The following TMEM39A variants were observed in gnomAD, a reference collection of about 807,000 sequenced individuals.
TMEM39A encodes suppressor of SQST-1 aggregates in rpl-43 mutants.
In TMEM39A, 19 loss-of-function variants were observed where a neutral mutation model predicts 51.9. The observed-to-expected ratio is 0.37, with a 90% CI of 0.26 to 0.54. TMEM39A has a LOEUF of 0.54. TMEM39A is among the 20% of genes least tolerant of loss of function. The pLI is 0.88. For synonymous variants in TMEM39A, 197 were observed against 220.2 expected (o/e 0.89, Z 0.93); for missense variants, 433 against 590.5 (o/e 0.73, Z 2.76).
At chr3:119,450,125 T>G (rs1397574868) in intron 4 of TMEM39A, among the ~76,000 whole-genome samples, 1 of 152,258 alleles carries the variant, frequency 6.6e-6, no homozygotes, top group Non-Finnish European at 1.5e-5. Flanking sequence ...TTTTAAATTT[T>G]TGAATAGGTA....
chr3:119,438,712 G>C (rs975117194), intron 5 of TMEM39A, among the ~76,000 whole-genome samples: 4 of 151,958 alleles, frequency 2.6e-5, no homozygotes, highest in African/African-American at 9.7e-5. Context: ...TTCCCAATAC[G>C]TGTGTACGTT....
intron 8 of TMEM39A, among the ~76,000 whole-genome samples, chr3:119,432,447 G>A (rs368038539): frequency 6.6e-6 from 1 of 151,820 alleles, no homozygotes; most frequent in Admixed American, 6.6e-5. Flanking sequence ...CCTGAGACAC[G>A]AAAAGAGATT....
intron 5 of TMEM39A, among the ~76,000 whole-genome samples, chr3:119,445,090 A>C (rs896277206): frequency 6.6e-6 from 1 of 151,868 alleles, no homozygotes; most frequent in African/African-American, 2.4e-5. Context: ...AAAAAAAAAA[A>C]GCAACCGTCT....
intron 5 of TMEM39A, among the ~76,000 whole-genome samples, chr3:119,441,190 G>A (rs2081048830): frequency 6.6e-6 from 1 of 152,150 alleles, no homozygotes; most frequent in Non-Finnish European, 1.5e-5. Flanking sequence ...AATGGCCTCC[G>A]AGTGTTCAAG....
chr3:119,429,111 C>T lies in TMEM39A; in HGVS notation c.*2870G>A, dbSNP rs16829840. ...TCTTCTATTAGTTAATGAACTCGAA[C>T]ATCACTATCTCCGGCACCCAGCAGT... is the stretch of plus-strand genomic sequence containing the variant. On this transcript the variant is annotated 3_prime_UTR_variant, in exon 9 of 9. Coordinates refer to ENST00000319172, the MANE Select transcript of TMEM39A (RefSeq NM_018266.3). Among the ~76,000 whole-genome samples, 18,113 of 151,982 alleles carry T rather than the reference C, an allele frequency of 0.12. 2,697 individuals are homozygous for T. Among genetic ancestry groups the T allele is most frequent in the African/African-American group, 0.35 (14,669 of 41,396 alleles).
intron 2 of TMEM39A, among the ~76,000 whole-genome samples, chr3:119,458,953 T>C (rs2081301832): frequency 6.6e-6 from 1 of 152,136 alleles, no homozygotes; most frequent in Admixed American, 6.6e-5. Context: ...TCAGAACCCA[T>C]ATAAATTCTC....
chr3:119,435,117 G>A, intron 7 of TMEM39A: 2 of 985,290 alleles, frequency 2.0e-6, no homozygotes, highest in Non-Finnish European at 2.4e-6. Flanking sequence ...TTAACTCAGT[G>A]TCAAAGGACT....
At chr3:119,444,593 A>G (rs2081098148) in intron 5 of TMEM39A, among the ~76,000 whole-genome samples, 1 of 152,198 alleles carries the variant, frequency 6.6e-6, no homozygotes, top group Non-Finnish European at 1.5e-5. Context: ...ATACTTTGTA[A>G]TTACCCACAT....
chr3:119,452,547 T>C lies in TMEM39A; in HGVS notation c.337-17A>G. ...ATGAAAATTCTACAACAGAAATAAA[T>C]AACTACATCAGAAAGAAATATGATG... On this transcript the variant is annotated splice_polypyrimidine_tract_variant and intron_variant, in intron 3 of 8. Coordinates refer to ENST00000319172, the MANE Select transcript of TMEM39A (RefSeq NM_018266.3). The C allele has an allele frequency of 1.3e-6, 2 of 1,597,974 alleles. No individual in the cohort carries two copies. The highest frequency in any genetic ancestry group is 1.7e-6 in the Non-Finnish European group (2 of 1,166,598).
intron 4 of TMEM39A, among the ~76,000 whole-genome samples, chr3:119,451,827 T>C: frequency 3.2e-5 from 1 of 31,428 alleles, no homozygotes; most frequent in African/African-American, 2.5e-4. Flanking sequence ...TGAAACTCCG[T>C]CTCAAAAAAA....
At chr3:119,448,951 GCTGA>G (rs1165768139) in intron 4 of TMEM39A, among the ~76,000 whole-genome samples, 8 of 152,144 alleles carry the variant, frequency 5.3e-5, no homozygotes, top group African/African-American at 1.2e-4. Context: ...TGCTTATGAA[GCTGA>G]CTAACCAAGA....
At position 119,458,215 on chromosome 3, in the gene TMEM39A, C is replaced by T. The variant is rs1044862582; in HGVS notation, c.139G>A (p.Val47Ile). 1.9e-6 allele frequency: 3 copies of T among 1,613,960 alleles called. No homozygotes were observed. Among genetic ancestry groups the T allele is most frequent in the African/African-American group, 1.3e-5 (1 of 74,940 alleles). Residue 47 changes from valine to isoleucine, a missense_variant, in exon 3 of 9, where the codon GTC becomes ATC. Physicochemically the swap from Val to Ile is conservative, Grantham distance 29. Transcript: ENST00000319172. ...NRNGSAIGLP[V>I]PPITALITPG... ...GTGATTAAGGCTGTGATAGGTGGGA[C>T]TGGAAGGCCAATAGCACTACCATTC... is the stretch of plus-strand genomic sequence containing the variant.
intron 4 of TMEM39A, among the ~76,000 whole-genome samples, chr3:119,449,795 T>C (rs760106639): frequency 6.6e-6 from 1 of 152,202 alleles, no homozygotes; most frequent in Non-Finnish European, 1.5e-5. Flanking sequence ...AACAGCTAAA[T>C]TTATTTCTAG....
chr3:119,458,728 C>T (rs1366348417), intron 2 of TMEM39A, among the ~76,000 whole-genome samples: 4 of 152,022 alleles, frequency 2.6e-5, no homozygotes, highest in Non-Finnish European at 4.4e-5. Flanking sequence ...AATCTCATCC[C>T]TACTAAAAAT....
Position 119,461,978 on chromosome 3 carries a change from T to G in TMEM39A, c.97A>C (p.Thr33Pro). 6.2e-7 allele frequency: 1 copy of G among 1,614,112 alleles called. No homozygotes were observed. The highest frequency in any genetic ancestry group is 8.5e-7 in the Non-Finnish European group (1 of 1,179,970). The change falls in exon 2 of 9, where the codon ACA (threonine) becomes CCA (proline). Residue 33 changes from threonine to proline, a missense_variant. Thr to Pro is a conservative substitution (Grantham distance 38). Coordinates refer to ENST00000319172, the MANE Select transcript of TMEM39A (RefSeq NM_018266.3). ...TTTCTTTACCTGTTTCTCAAGCCTG[T>G]TCCATTGCCACAGCCTCCACCAACC... Reference protein sequence around the residue: ...TLVGGGCGNGTGLRNRNGSAI... With the variant: ...TLVGGGCGNGPGLRNRNGSAI...
intron 2 of TMEM39A, among the ~76,000 whole-genome samples, chr3:119,460,745 T>A (rs2081326314): frequency 6.6e-6 from 1 of 152,130 alleles, no homozygotes; most frequent in Admixed American, 6.5e-5. Context: ...GGAGGCAAAG[T>A]TAGAATTTTT....
At chr3:119,457,115 C>T (rs769918936) in intron 3 of TMEM39A, among the ~76,000 whole-genome samples, 2 of 151,980 alleles carry the variant, frequency 1.3e-5, no homozygotes, top group Non-Finnish European at 2.9e-5. Context: ...GGACTACAGG[C>T]GCCTGCCATC....
intron 5 of TMEM39A, among the ~76,000 whole-genome samples, chr3:119,442,635 G>T (rs1444012187): frequency 6.6e-6 from 1 of 152,196 alleles, no homozygotes; most frequent in Non-Finnish European, 1.5e-5. Context: ...ATGAGAGGAG[G>T]TCAAAATATC....
chr3:119,451,168 A>G (rs2081193014), intron 4 of TMEM39A: 1 of 1,034,356 alleles, frequency 9.7e-7, no homozygotes, highest in East Asian at 7.0e-5. Flanking sequence ...AAAAGATTAT[A>G]AACAGACGTT....
Sources: gnomAD v4.1 joint callset for allele counts (sites outside exome capture counted in the v4.1 genomes callset) on GRCh38, gnomAD v4.1.1 for gene constraint, MANE v1.5 for transcripts, NCBI Gene and HGNC (gene_info 2026-07-23, HGNC 2026-07-21) for gene names.